The following KLHL10 variants were observed in gnomAD, a reference collection of about 807,000 sequenced individuals.
The protein encoded by KLHL10 is kelch like family member 10.
KLHL10 carries 11 observed loss-of-function variants against 46.6 expected under a neutral mutation model. The ratio of observed to expected loss-of-function variants is 0.24; its 90% CI spans 0.15 to 0.39. KLHL10 has a LOEUF of 0.39. Among genes scored for constraint, KLHL10 ranks in the 10% least tolerant of loss-of-function variants. The probability of loss-of-function intolerance (pLI) is 1.00; values close to 1 mark genes in which losing one functional copy is unlikely to be tolerated. For missense variants in KLHL10, 475 were observed against 789.8 expected, an observed-to-expected ratio of 0.60 and a Z score of 4.78; for synonymous variants, 254 against 279.1, an observed-to-expected ratio of 0.91 and a Z score of 0.90.
Position 41,845,670 on chromosome 17 carries a change from CCAATCAATGGA to C in KLHL10, c.1232_1242del (p.Asn411ThrfsTer11). 1 of 1,611,496 alleles carries C rather than the reference CCAATCAATGGA, an allele frequency of 6.2e-7. No homozygotes were observed. The highest frequency in any genetic ancestry group is 8.5e-7 in the Non-Finnish European group (1 of 1,178,084). ...ACTGCTGAACGTTATGAGCCAGAGA[CCAATCAATGGA>C]CACTCATCGCCCCCATGCACGAACA... On this transcript the variant is annotated frameshift_variant, in exon 3 of 5. Transcript: ENST00000293303. LOFTEE classifies it high-confidence loss of function.
rs782565913 is a variant in KLHL10 at position 41,845,426 on chromosome 17, C to T, written c.985C>T (p.Arg329Cys). Residue 329 changes from arginine to cysteine, a missense_variant, in exon 3 of 5, where the codon CGT becomes TGT. Physicochemically the swap from Arg to Cys is radical, Grantham distance 180. Transcript: ENST00000293303. ...VNVTCEEESP[R>C]AYHGAAYLKG... is the part of the protein sequence containing the mutation. ...TGTTACTTGTGAGGAAGAGAGTCCC[C>T]GTGCCTACCATGGGGCAGCCTATTT... 14 of 1,614,038 alleles carry T rather than the reference C, an allele frequency of 8.7e-6. No homozygotes were observed. The highest frequency in any genetic ancestry group is 4.5e-5 in the East Asian group (2 of 44,894).
At chr17:41,846,088 GTAA>G (rs2048282275) in intron 3 of KLHL10, among the ~76,000 whole-genome samples, 1 of 151,892 alleles carries the variant, frequency 6.6e-6, no homozygotes, top group Non-Finnish European at 1.5e-5. Context: ...GCGGGCGCCT[GTAA>G]TCCCACCTAC....
intron 2 of KLHL10, 57 bp from the exon 3 acceptor site, chr17:41,845,069 G>C: frequency 6.2e-7 from 1 of 1,611,374 alleles, no homozygotes; most frequent in South Asian, 1.1e-5. Flanking sequence ...AGTTAAGGAT[G>C]TGGGATTTCC....
At chr17:41,843,593 A>G (rs782783838) in intron 2 of KLHL10, among the ~76,000 whole-genome samples, 4 of 151,964 alleles carry the variant, frequency 2.6e-5, no homozygotes, top group Admixed American at 6.6e-5. Flanking sequence ...ATATTAAGAC[A>G]TACTCAATTA....
At chr17:41,835,836 GC>G, upstream of KLHL10, 3 of 1,588,920 alleles carry the variant, frequency 1.9e-6, no homozygotes, top group Non-Finnish European at 2.6e-6. Context: ...AGCCCGGCCG[GC>G]CCCCGCACGC....
At position 41,845,507 on chromosome 17, in the gene KLHL10, G is replaced by A; in HGVS notation, c.1066G>A (p.Val356Ile). Residue 356 changes from valine to isoleucine, a missense_variant, in exon 3 of 5, where the codon GTT becomes ATT. Val to Ile is a conservative substitution (Grantham distance 29). Transcript: ENST00000293303. ...TGATAGTGTAGACTATTTCAATAGT[G>A]TTAAGCGTTTTGACCCAGTCAAGAA... Reference protein sequence around the residue: ...GFDSVDYFNSVKRFDPVKKTW... With the variant: ...GFDSVDYFNSIKRFDPVKKTW... 1 of 1,614,230 alleles carries A rather than the reference G, an allele frequency of 6.2e-7. No homozygotes were observed. Among genetic ancestry groups the A allele is most frequent in the Non-Finnish European group, 8.5e-7 (1 of 1,180,038 alleles).
At chr17:41,839,429 C>T (rs1597933144) in intron 1 of KLHL10, among the ~76,000 whole-genome samples, 1 of 152,108 alleles carries the variant, frequency 6.6e-6, no homozygotes, top group Admixed American at 6.6e-5. Flanking sequence ...ACTTCAGGGA[C>T]CCCCCTGTAC....
intron 1 of KLHL10, among the ~76,000 whole-genome samples, chr17:41,840,514 G>A (rs1287270672): frequency 1.4e-5 from 2 of 148,066 alleles, no homozygotes; most frequent in African/African-American, 2.5e-5. Context: ...GCATGGTGGT[G>A]GGCACCTATA....
chr17:41,847,018 G>A (rs1445205127), intron 3 of KLHL10, among the ~76,000 whole-genome samples: 1 of 152,178 alleles, frequency 6.6e-6, no homozygotes, highest in African/African-American at 2.4e-5. Context: ...CAGATGCTGA[G>A]GCAGGAGAAT....
chr17:41,836,684 A>G (rs2048165078), upstream of KLHL10, among the ~76,000 whole-genome samples: 1 of 152,054 alleles, frequency 6.6e-6, no homozygotes, highest in Admixed American at 6.6e-5. Context: ...TTAGCCGGGC[A>G]TGGTGACACG....
At position 41,845,686 on chromosome 17, in the gene KLHL10, C is replaced by A. The variant is rs200538026; in HGVS notation, c.1245C>A (p.Leu415=). 137 of 1,612,066 alleles carry A rather than the reference C, an allele frequency of 8.5e-5. No homozygotes were observed. Among genetic ancestry groups the A allele is most frequent in the Admixed American group, 3.3e-5 (2 of 59,936 alleles). ...RYEPETNQWT[L]IAPMHEQRSD... ...AGCCAGAGACCAATCAATGGACACT[C>A]ATCGCCCCCATGCACGAACAGAGGA... The change falls in exon 3 of 5, where the codon CTC becomes CTA. Residue 415 remains leucine, a synonymous_variant. Transcript: ENST00000293303.
In KLHL10 at chr17:41,842,174, G is replaced by A. The variant is rs574533496; in HGVS notation, c.546G>A (p.Ser182=). The change falls in exon 2 of 5, where the codon TCG becomes TCA. Residue 182 remains serine, a synonymous_variant. Coordinates refer to ENST00000293303, the MANE Select transcript of KLHL10 (RefSeq NM_152467.5). The stretch of plus-strand genomic sequence containing the variant: ...TCTCGGCAGAATTTTTAGAGCTCTC[G>A]GTCACTGAACTTAAGGATATCATTG... ...VKVSAEFLEL[S]VTELKDIIEK... 29 of 1,614,072 alleles carry A rather than the reference G, an allele frequency of 1.8e-5. No homozygotes were observed. The highest frequency in any genetic ancestry group is 3.3e-5 in the South Asian group (3 of 91,070).
chr17:41,841,775 A>T (rs2048228650), intron 1 of KLHL10, 48 bp from the exon 2 acceptor site: 1 of 1,612,730 alleles, frequency 6.2e-7, no homozygotes, highest in African/African-American at 1.3e-5. Flanking sequence ...TACTCACCTA[A>T]CAGGAGAGAA....
In KLHL10 at chr17:41,845,139, T is replaced by A. The variant is rs781838182; in HGVS notation, c.698T>A (p.Leu233Gln). The change falls in exon 3 of 5, where the codon CTA (leucine) becomes CAA (glutamine). Residue 233 changes from leucine to glutamine, a missense_variant. Leu to Gln is a moderately radical substitution (Grantham distance 113). Transcript: ENST00000293303. ...TTTGCTTCTTAGGTTCGCCTGGCCC[T>A]AATGCATGCTGAGTACTTCATGAAC... ...SILLPKVRLA[L>Q]MHAEYFMNNV... is the part of the protein sequence containing the mutation. 3.7e-6 allele frequency: 6 copies of A among 1,614,126 alleles called. No homozygotes were observed. Among genetic ancestry groups the A allele is most frequent in the Non-Finnish European group, 5.1e-6 (6 of 1,180,054 alleles).
intron 1 of KLHL10, 142 bp downstream of exon 1, chr17:41,838,268 ATT>A: frequency 1.5e-6 from 1 of 676,998 alleles, no homozygotes; most frequent in Non-Finnish European, 2.5e-6. Context: ...TTAAAAAAAA[ATT>A]TTTTTTTTAG....
At chr17:41,838,655 G>GT (rs59076048) in intron 1 of KLHL10, among the ~76,000 whole-genome samples, 14 of 119,004 alleles carry the variant, frequency 1.2e-4, no homozygotes, top group Non-Finnish European at 1.2e-4. Flanking sequence ...TGTTTGTTTT[G>GT]TTTTTTTTTT....
chr17:41,840,634 AC>A (rs2048217309), intron 1 of KLHL10, among the ~76,000 whole-genome samples: 1 of 113,618 alleles, frequency 8.8e-6, no homozygotes, highest in South Asian at 3.5e-4. Flanking sequence ...ACAGAGCGAG[AC>A]TCCATCTCAA....
intron 1 of KLHL10, among the ~76,000 whole-genome samples, chr17:41,841,240 T>C (rs1345674945): frequency 6.6e-6 from 1 of 152,158 alleles, no homozygotes; most frequent in Non-Finnish European, 1.5e-5. Context: ...AGGCATTAAA[T>C]GAGTAAAATG....
intron 2 of KLHL10, among the ~76,000 whole-genome samples, chr17:41,843,398 G>A (rs782120971): frequency 4.2e-4 from 64 of 151,632 alleles, no homozygotes; most frequent in Non-Finnish European, 8.1e-4. Flanking sequence ...CCAGCTACTC[G>A]GGAATCTGAG....
Sources: gnomAD v4.1 joint callset for allele counts (sites outside exome capture counted in the v4.1 genomes callset) on GRCh38, gnomAD v4.1.1 for gene constraint, MANE v1.5 for transcripts, NCBI Gene and HGNC (gene_info 2026-07-23, HGNC 2026-07-21) for gene names.